MCF2L: variants seen among roughly 807,000 people sequenced by gnomAD.
MCF2L encodes the protein guanine nucleotide exchange factor DBS.
Under a neutral mutation model 153.4 loss-of-function variants are expected in MCF2L, and 97 were observed. That is an observed-to-expected ratio of 0.63 (90% CI 0.54 to 0.75). The LOEUF (loss-of-function observed/expected upper bound fraction) is 0.75. MCF2L is among the 30% of genes least tolerant of loss of function. The pLI, the probability that MCF2L is intolerant of heterozygous loss-of-function variation, is 0.00. For synonymous variants in MCF2L, 659 were observed against 632.2 expected (o/e 1.04, Z -0.64); for missense variants, 1,347 against 1,495.2 (o/e 0.90, Z 1.64).
chr13:112,935,424 A>G (rs960303464), intron 2 of MCF2L, among the ~76,000 whole-genome samples: 4 of 151,944 alleles, frequency 2.6e-5, no homozygotes, highest in Non-Finnish European at 2.9e-5. Flanking sequence ...TGCCTGGCTA[A>G]TTTTGTATTT....
At chr13:113,085,280 G>C in intron 20 of MCF2L, 102 bp downstream of exon 20, 2 of 929,156 alleles carry the variant, frequency 2.2e-6, no homozygotes, top group Non-Finnish European at 3.4e-6. Flanking sequence ...CCCCTCCCAG[G>C]CCAAGGGCAC....
intron 1 of MCF2L, among the ~76,000 whole-genome samples, chr13:112,992,799 A>G (rs1048696065): frequency 1.3e-5 from 2 of 152,240 alleles, no homozygotes; most frequent in African/African-American, 4.8e-5. Context: ...CTGTAAATCT[A>G]CAGAACATCG....
intron 2 of MCF2L, among the ~76,000 whole-genome samples, chr13:112,922,949 A>G (rs2081367217): frequency 6.6e-6 from 1 of 152,266 alleles, no homozygotes; most frequent in African/African-American, 2.4e-5. Flanking sequence ...AGTTTCATAG[A>G]TGTGGAAAAA....
chr13:113,013,402 C>A (rs994770647), intron 1 of MCF2L, among the ~76,000 whole-genome samples: 2 of 152,322 alleles, frequency 1.3e-5, no homozygotes, highest in African/African-American at 4.8e-5. Flanking sequence ...TGCTTCCCCC[C>A]CAACACCAGG....
intron 3 of MCF2L, among the ~76,000 whole-genome samples, chr13:113,036,246 C>G (rs1440852033): frequency 6.6e-6 from 1 of 152,232 alleles, no homozygotes; most frequent in Admixed American, 6.5e-5. Context: ...CCACCATTCT[C>G]TTTTAATTGT....
At chr13:113,073,041 T>G (rs1393979268) in intron 9 of MCF2L, among the ~76,000 whole-genome samples, 2 of 151,856 alleles carry the variant, frequency 1.3e-5, no homozygotes, top group Non-Finnish European at 2.9e-5. Flanking sequence ...TTTTTTTTTT[T>G]TTTTTCCAAT....
At chr13:113,072,077 C>G (rs940687748) in intron 9 of MCF2L, among the ~76,000 whole-genome samples, 1 of 152,148 alleles carries the variant, frequency 6.6e-6, no homozygotes, top group Non-Finnish European at 1.5e-5. Context: ...GTTTGACTTA[C>G]CTTTAATATT....
chr13:113,091,634 C>T (rs1169615603), intron 26 of MCF2L, among the ~76,000 whole-genome samples: 1 of 152,152 alleles, frequency 6.6e-6, no homozygotes, highest in African/African-American at 2.4e-5. Context: ...CCCGGACCCT[C>T]CTTTCCCGGG....
chr13:112,989,711 C>T (rs1594515210), intron 1 of MCF2L, among the ~76,000 whole-genome samples: 1 of 151,864 alleles, frequency 6.6e-6, no homozygotes, highest in East Asian at 1.9e-4. Flanking sequence ...CGAGTCCTCC[C>T]TGAGCAGGGG....
intron 2 of MCF2L, among the ~76,000 whole-genome samples, chr13:113,023,382 C>T (rs2085024457): frequency 6.6e-6 from 1 of 152,164 alleles, no homozygotes; most frequent in Admixed American, 6.5e-5. Flanking sequence ...CCTCGGGGGC[C>T]CAGCGTCCCG....
intron 1 of MCF2L, among the ~76,000 whole-genome samples, chr13:113,000,849 C>T (rs565580108): frequency 8.8e-4 from 125 of 142,626 alleles, no homozygotes; most frequent in African/African-American, 2.9e-3. Context: ...CATAGCAGGC[C>T]GGGGTCCCAC....
intron 3 of MCF2L, among the ~76,000 whole-genome samples, chr13:113,025,797 A>G (rs1244068824): frequency 2.8e-5 from 3 of 107,396 alleles, no homozygotes; most frequent in Admixed American, 9.8e-5. Context: ...TTTCCCTGTC[A>G]TGGGGTCCCC....
chr13:112,899,069 A>G (rs1027872890), intron 1 of MCF2L, among the ~76,000 whole-genome samples: 3 of 152,142 alleles, frequency 2.0e-5, no homozygotes, highest in African/African-American at 7.2e-5. Context: ...CTCCTCGGGG[A>G]CAGGAGCTTC....
chr13:113,003,908 G>A (rs2083526015), intron 1 of MCF2L, among the ~76,000 whole-genome samples: 1 of 152,224 alleles, frequency 6.6e-6, no homozygotes, highest in African/African-American at 2.4e-5. Context: ...TGGAGAGTCT[G>A]TCCTCGGGCC....
intron 3 of MCF2L, among the ~76,000 whole-genome samples, chr13:113,034,711 C>T (rs974952091): frequency 6.6e-6 from 1 of 152,210 alleles, no homozygotes; most frequent in Non-Finnish European, 1.5e-5. Context: ...CGCGCCCTTG[C>T]CCTTGCCCTG....
At chr13:112,994,675 C>G (rs1208318087) in intron 1 of MCF2L, among the ~76,000 whole-genome samples, 1 of 152,216 alleles carries the variant, frequency 6.6e-6, no homozygotes, top group African/African-American at 2.4e-5. Context: ...GTCCTTCATC[C>G]CGGGCAGTAA....
intron 2 of MCF2L, among the ~76,000 whole-genome samples, chr13:112,921,003 TA>T (rs35975644): frequency 0.16 from 22,150 of 140,658 alleles, 1,619 homozygotes; most frequent in Admixed American, 0.18. Context: ...TCATCTCTAC[TA>T]AAAAAAAAAA....
intron 2 of MCF2L, among the ~76,000 whole-genome samples, chr13:113,023,640 G>C (rs2085045866): frequency 1.3e-5 from 2 of 152,224 alleles, no homozygotes; most frequent in African/African-American, 4.8e-5. Context: ...CCTAAACTTA[G>C]TTAGCTTGAA....
At position 112,928,895 on chromosome 13, in the gene MCF2L, C is replaced by T. The variant is rs531660958; in HGVS notation, c.169+26524C>T. 2.6e-5 allele frequency among the ~76,000 whole-genome samples: 4 copies of T among 152,334 alleles called. No homozygotes were observed. The South Asian group carries it at 8.3e-4, about 32-fold the overall frequency. On this transcript the variant is annotated intron_variant, in intron 2 of 29. Transcript: ENST00000375608. The stretch of plus-strand genomic sequence containing the variant: ...CATACATGGATGGAGGTCTGCGCCT[C>T]CTCCCAGCTGACAGTCTGTGGCATC...
Sources: allele counts gnomAD v4.1 joint callset (sites outside exome capture counted in the v4.1 genomes callset), GRCh38; gene constraint gnomAD v4.1.1; transcripts MANE v1.5; gene names NCBI Gene and HGNC (gene_info 2026-07-23, HGNC 2026-07-21).